CUTA: variants seen among roughly 807,000 people sequenced by gnomAD.
CUTA encodes cutA divalent cation tolerance homolog.
Under a neutral mutation model 20.7 loss-of-function variants are expected in CUTA, and 21 were observed. The observed-to-expected ratio is 1.01, with a 90% confidence interval of 0.72 to 1.46. The LOEUF is 1.46. CUTA is among the 40% of genes most tolerant of loss of function. CUTA has a pLI of 0.00. For missense variants in CUTA, 231 were observed against 226.8 expected, an observed-to-expected ratio of 1.02 and a Z score of -0.12; for synonymous variants, 99 against 97.9, an observed-to-expected ratio of 1.01 and a Z score of -0.07.
At chr6:33,417,833 A>G (rs1346170685) in intron 1 of CUTA, 126 bp downstream of exon 1, 3 of 1,544,458 alleles carry the variant, frequency 1.9e-6, no homozygotes, top group Middle Eastern at 1.7e-4. Flanking sequence ...GTGAGAGAGA[A>G]ACTTGGAAAA....
At position 33,416,941 on chromosome 6, in the gene CUTA, G is replaced by C. The variant is rs1776544032; in HGVS notation, c.392C>G (p.Pro131Arg). Residue 131 changes from proline (P) to arginine (R), a missense_variant, in exon 5 of 6, where the codon CCA (proline) becomes CGA (arginine). By Grantham distance (103) the Pro-to-Arg change is moderately radical. Transcript: ENST00000488034. Reference protein sequence around the residue: ...MMIKTQSSLVPALTDFVRSVH... With the variant: ...MMIKTQSSLVRALTDFVRSVH... Reference sequence around the variant, plus strand: ...TCACCGAACAAAATCTGTCAAAGCTGGGACCAAGGAACTTTGGGTTTTAAT... The same window carrying C: ...TCACCGAACAAAATCTGTCAAAGCTCGGACCAAGGAACTTTGGGTTTTAAT... The C allele has an allele frequency of 1.9e-6, 3 of 1,614,144 alleles. No individual in the cohort carries two copies. Among genetic ancestry groups the C allele is most frequent in the Non-Finnish European group, 2.5e-6 (3 of 1,180,022 alleles).
Position 33,418,020 on chromosome 6 carries a change from G to T in CUTA, c.-20C>A. 1 of 1,614,056 alleles carries T rather than the reference G, an allele frequency of 6.2e-7. No homozygotes were observed. Among genetic ancestry groups the T allele is most frequent in the Non-Finnish European group, 8.5e-7 (1 of 1,179,948 alleles). ...ACTCATGCGGCCTACGCTGGTACAGGAGAGTTGATCTCAAAGGCCACACGT... is the reference window on the plus strand; with the variant it reads ...ACTCATGCGGCCTACGCTGGTACAGTAGAGTTGATCTCAAAGGCCACACGT... On this transcript the variant is annotated 5_prime_UTR_variant, in exon 1 of 6. Coordinates refer to ENST00000488034, the MANE Select transcript of CUTA (RefSeq NM_001014840.2). The surrounding 1 kb of genome is among the most constrained non-coding windows in gnomAD (Gnocchi z 5.7).
rs1247450516 is a variant in CUTA, at chr6:33,416,469, G to A, written c.*181C>T. 5.0e-6 allele frequency: 3 copies of A among 604,814 alleles called. No individual in the cohort carries two copies. The allele number at this position is 604,814 out of a possible 1,614,324, so 37.5% of individuals were successfully genotyped here. The stretch of plus-strand genomic sequence containing the variant: ...GCAGCTCTGAGTCATTCTGAAAGAT[G>A]TAGAGAATACAGGGACTAGAAGCAC... On this transcript the variant is annotated 3_prime_UTR_variant, in exon 6 of 6. Transcript: ENST00000488034.
intron 1 of CUTA, 93 bp downstream of exon 1, chr6:33,417,866 C>T: frequency 3.9e-6 from 6 of 1,556,318 alleles, no homozygotes; most frequent in East Asian, 2.4e-5. Flanking sequence ...TCATTTCACT[C>T]ACACCTCAGG....
rs774138173 is a variant in CUTA at position 33,416,792 on chromosome 6, G to T, written c.414-16C>A. The T allele has an allele frequency of 1.2e-6, 2 of 1,612,872 alleles. No homozygotes were observed. The highest frequency in any genetic ancestry group is 4.5e-5 in the East Asian group (2 of 44,868). On this transcript the variant is annotated splice_polypyrimidine_tract_variant and intron_variant, in intron 5 of 5. Coordinates refer to ENST00000488034, the MANE Select transcript of CUTA (RefSeq NM_001014840.2). ...GTGCACAGAACTACAAAATAGGTGG[G>T]TGGGGGAAGGGGATCACTCAAAGAT...
Position 33,416,642 on chromosome 6 carries a change from A to C in CUTA, c.*8T>G. ...GGGGATCTTCATGATGAGCAGGAAC[A>C]GGGCTCATCATGGCAGGACTGTGAT... On this transcript the variant is annotated 3_prime_UTR_variant, in exon 6 of 6. Transcript: ENST00000488034. The C allele has an allele frequency of 3.4e-6, 5 of 1,452,932 alleles. No individual in the cohort carries two copies. Among genetic ancestry groups the C allele is most frequent in the Non-Finnish European group, 4.8e-6 (5 of 1,033,064 alleles). 90.0% of individuals were successfully genotyped at this position (1,452,932 alleles called of 1,614,324 possible). A position where few individuals can be genotyped will look rare whatever the true frequency, so the allele number is the denominator to read the frequency against.
intron 5 of CUTA, 66 bp downstream of exon 5, chr6:33,416,854 T>C: frequency 1.2e-6 from 2 of 1,606,962 alleles, no homozygotes; most frequent in Admixed American, 1.7e-5. Flanking sequence ...ACGCAAGCCC[T>C]AGACTGCCCA....
At chr6:33,416,850 G>C in intron 5 of CUTA, 70 bp downstream of exon 5, 1 of 1,604,354 alleles carries the variant, frequency 6.2e-7, no homozygotes, top group Non-Finnish European at 8.5e-7. Context: ...TTACACGCAA[G>C]CCCTAGACTG....
At chr6:33,417,751 C>G in intron 1 of CUTA, 56 bp from the exon 2 acceptor site, 1 of 1,535,236 alleles carries the variant, frequency 6.5e-7, no homozygotes, top group African/African-American at 1.4e-5. Context: ...GAAATTACAC[C>G]CGGGGAAGCC....
chr6:33,417,019 A>C, intron 4 of CUTA, 50 bp from the exon 5 acceptor site: 1 of 1,612,958 alleles, frequency 6.2e-7, no homozygotes, highest in Non-Finnish European at 8.5e-7. Flanking sequence ...GATTGAGTTC[A>C]GTTTCTCAGA....
intron 4 of CUTA, 49 bp downstream of exon 4, chr6:33,417,048 G>C: frequency 2.5e-6 from 4 of 1,612,992 alleles, no homozygotes; most frequent in Non-Finnish European, 3.4e-6. Context: ...AAGGGCTAAA[G>C]GGGTCAGGGA....
In CUTA at chr6:33,417,919, T is replaced by C. The variant is rs772723064; in HGVS notation, c.42+40A>G. The C allele has an allele frequency of 1.3e-5, 20 of 1,595,992 alleles. No individual in the cohort carries two copies. The South Asian group carries it at 2.2e-4, about 18-fold the overall frequency. On this transcript the variant is annotated intron_variant, in intron 1 of 5. Coordinates refer to ENST00000488034, the MANE Select transcript of CUTA (RefSeq NM_001014840.2). Reference sequence around the variant, plus strand: ...TTAGGGTGCGGGTAGCGGTCGAGGCTTCGAGGACCGGAAGGGGCGGGGCGG... The same window carrying C: ...TTAGGGTGCGGGTAGCGGTCGAGGCCTCGAGGACCGGAAGGGGCGGGGCGG...
chr6:33,417,864 C>T, intron 1 of CUTA, 95 bp downstream of exon 1: 1 of 1,555,100 alleles, frequency 6.4e-7, no homozygotes, highest in Admixed American at 1.9e-5. Flanking sequence ...GCTCATTTCA[C>T]TCACACCTCA....
At position 33,416,448 on chromosome 6, in the gene CUTA, C is replaced by T; in HGVS notation, c.*202G>A. ...AAAGAGAAATAAACAAATCTAGCAG[C>T]TCTGAGTCATTCTGAAAGATGTAGA... On this transcript the variant is annotated 3_prime_UTR_variant, in exon 6 of 6. Coordinates refer to ENST00000488034, the MANE Select transcript of CUTA (RefSeq NM_001014840.2). 1.7e-6 allele frequency: 1 copy of T among 584,978 alleles called. No homozygotes were observed. The highest frequency in any genetic ancestry group is 3.1e-6 in the Non-Finnish European group (1 of 323,424). The allele number at this position is 584,978 out of a possible 1,614,324, so 36.2% of individuals were successfully genotyped here. A position where few individuals can be genotyped will look rare whatever the true frequency, so the allele number is the denominator to read the frequency against.
At chr6:33,417,805 C>A in intron 1 of CUTA, 110 bp from the exon 2 acceptor site, 4 of 1,543,750 alleles carry the variant, frequency 2.6e-6, no homozygotes, top group Non-Finnish European at 3.5e-6. Flanking sequence ...GATGCACCCC[C>A]GAAGAATGCC....
At chr6:33,417,772 T>C in intron 1 of CUTA, 77 bp from the exon 2 acceptor site, 1 of 1,549,004 alleles carries the variant, frequency 6.5e-7, no homozygotes. Context: ...TTCGCTTAGA[T>C]CCTCAGGCTC....
At position 33,417,960 on chromosome 6, in the gene CUTA, AC is replaced by A; in HGVS notation, c.40del (p.Val14TrpfsTer29). ...GGCGGGGCGGGGCCGGTCACTCACC[AC>A]TCCGCCGAGCAGGACCGCGGGAGCC... ...GRAPAVLLGG[V>X]ASLLLSFVWM... On this transcript the variant is annotated frameshift_variant and splice_region_variant, in exon 1 of 6. Coordinates refer to ENST00000488034, the MANE Select transcript of CUTA (RefSeq NM_001014840.2). LOFTEE classifies it high-confidence loss of function. The A allele has an allele frequency of 6.3e-7, 1 of 1,593,782 alleles. No homozygotes were observed. Among genetic ancestry groups the A allele is most frequent in the Non-Finnish European group, 8.5e-7 (1 of 1,171,050 alleles).
At position 33,416,977 on chromosome 6, in the gene CUTA, A is replaced by T; in HGVS notation, c.364-8T>A. The T allele has an allele frequency of 6.2e-7, 1 of 1,614,176 alleles. No homozygotes were observed. The highest frequency in any genetic ancestry group is 8.5e-7 in the Non-Finnish European group (1 of 1,179,998). On this transcript the variant is annotated splice_polypyrimidine_tract_variant and splice_region_variant and intron_variant, in intron 4 of 5. Transcript: ENST00000488034. ...ACTTTGGGTTTTAATCATCTAAGGG[A>T]CAAAGATAAACATGGTTGAATCAAG...
At chr6:33,417,870 C>T in intron 1 of CUTA, 89 bp downstream of exon 1, 1 of 1,559,118 alleles carries the variant, frequency 6.4e-7, no homozygotes, top group Non-Finnish European at 8.7e-7. Context: ...TTCACTCACA[C>T]CTCAGGGGGC....
Sources: gnomAD v4.1 joint callset for allele counts on GRCh38, gnomAD v4.1.1 for gene constraint, Gnocchi (gnomAD v3.1) non-coding constraint, MANE v1.5 for transcripts, NCBI Gene and HGNC (gene_info 2026-07-23, HGNC 2026-07-21) for gene names.